CNTN4: variants seen among roughly 807,000 people sequenced by gnomAD.
The protein encoded by CNTN4 is contactin 4, also known as contactin-4.
In CNTN4, 77 loss-of-function variants were observed where a neutral mutation model predicts 122.5. The observed-to-expected ratio is 0.63, with a 90% confidence interval of 0.52 to 0.76. The LOEUF is 0.76. Among genes scored for constraint, CNTN4 ranks in the 30% least tolerant of loss-of-function variants. The pLI is 0.00. For synonymous variants in CNTN4, 512 were observed against 447.0 expected (o/e 1.15, Z -1.83); for missense variants, 1,256 against 1,259.1 (o/e 1.00, Z 0.04).
Position 3,046,878 on chromosome 3 carries a change from C to G in CNTN4, c.2811+3174C>G, listed in dbSNP as rs572165492. On this transcript the variant is annotated intron_variant, in intron 23 of 24. Coordinates refer to ENST00000418658, the MANE Select transcript of CNTN4 (RefSeq NM_175607.3). The stretch of plus-strand genomic sequence containing the variant: ...CCATCAGTGTGCTGTATTCAGGAAA[C>G]CTGTCTCACGTGCAGGGACACACAT... Among the ~76,000 whole-genome samples the G allele has an allele frequency of 1.4e-3, 193 of 139,174 alleles. 21 individuals carry two copies. Among genetic ancestry groups the G allele is most frequent in the African/African-American group, 5.0e-3 (184 of 36,490 alleles). 91.3% of individuals were successfully genotyped at this position (139,174 alleles called of 152,430 possible).
intron 12 of CNTN4, among the ~76,000 whole-genome samples, chr3:2,911,642 G>A (rs6766176): frequency 0.41 from 62,769 of 151,806 alleles, 13,311 homozygotes; most frequent in East Asian, 0.65. Flanking sequence ...TCATAAAGAC[G>A]CTCAAGGAAT....
intron 2 of CNTN4, among the ~76,000 whole-genome samples, chr3:2,165,305 A>G (rs2036148694): frequency 6.6e-6 from 1 of 151,994 alleles, no homozygotes; most frequent in South Asian, 2.1e-4. Context: ...CCTGGGTGAC[A>G]AGAGCAAGAC....
At chr3:2,952,127 A>G (rs2094752058) in intron 13 of CNTN4, among the ~76,000 whole-genome samples, 1 of 152,246 alleles carries the variant, frequency 6.6e-6, no homozygotes, top group Non-Finnish European at 1.5e-5. Context: ...AAGCAAAGGC[A>G]GAAATACTTA....
At chr3:2,882,882 A>G (rs971609156) in intron 8 of CNTN4, 8 of 401,686 alleles carry the variant, frequency 2.0e-5, no homozygotes, top group Non-Finnish European at 3.8e-5. Context: ...ACCTTAAAAC[A>G]ATACTTTTGA....
At chr3:2,324,925 T>G (rs1307667233) in intron 2 of CNTN4, among the ~76,000 whole-genome samples, 1 of 152,154 alleles carries the variant, frequency 6.6e-6, no homozygotes, top group Non-Finnish European at 1.5e-5. Flanking sequence ...GCAATTTCTT[T>G]TTGAAAATCT....
chr3:2,279,349 G>T (rs549336668), intron 2 of CNTN4, among the ~76,000 whole-genome samples: 1 of 152,202 alleles, frequency 6.6e-6, no homozygotes, highest in South Asian at 2.1e-4. Flanking sequence ...TATGCCCTGG[G>T]ATATAATGCA....
At chr3:2,468,851 G>A (rs968430642) in intron 3 of CNTN4, among the ~76,000 whole-genome samples, 2 of 152,108 alleles carry the variant, frequency 1.3e-5, no homozygotes, top group Non-Finnish European at 2.9e-5. Flanking sequence ...TGCACCATTA[G>A]GCTTCTCTTA....
At chr3:2,481,063 C>CTTTCTTTCTTTCTTTCTT (rs1575730827) in intron 3 of CNTN4, among the ~76,000 whole-genome samples, 1,156 of 38,748 alleles carry the variant, frequency 0.03, 20 homozygotes, top group African/African-American at 0.066. Flanking sequence ...CTTTCTTTCT[C>CTTTCTTTCTTTCTTTCTT]TCTTTCTCTC....
intron 4 of CNTN4, among the ~76,000 whole-genome samples, chr3:2,572,198 G>A (rs776187982): frequency 1.3e-5 from 2 of 152,124 alleles, no homozygotes; most frequent in Non-Finnish European, 2.9e-5. Flanking sequence ...ACCAGCCTGA[G>A]TAACATGGCG....
At chr3:2,951,222 G>C (rs997360143) in intron 13 of CNTN4, among the ~76,000 whole-genome samples, 3 of 152,188 alleles carry the variant, frequency 2.0e-5, no homozygotes. Flanking sequence ...ACCAGGAACT[G>C]GTTTCGTGGA....
intron 3 of CNTN4, among the ~76,000 whole-genome samples, chr3:2,556,309 T>C (rs922719216): frequency 2.6e-5 from 4 of 152,314 alleles, no homozygotes; most frequent in Admixed American, 1.3e-4. Context: ...ACAGCAGAAC[T>C]GGTCGGCATA....
At chr3:2,416,972 TG>T in intron 3 of CNTN4, among the ~76,000 whole-genome samples, 1 of 152,154 alleles carries the variant, frequency 6.6e-6, no homozygotes, top group Non-Finnish European at 1.5e-5. Context: ...CAACTTTCTA[TG>T]GTATAAGAGT....
chr3:2,591,649 C>T lies in CNTN4; in HGVS notation c.55+20091C>T, dbSNP rs1335967897. ...AAAGTGCTGGGATTACAGGCGTGAGCCACCGCGCCCGGCCGATTTGTGACT... is the reference window on the plus strand; with the variant it reads ...AAAGTGCTGGGATTACAGGCGTGAGTCACCGCGCCCGGCCGATTTGTGACT... On this transcript the variant is annotated intron_variant, in intron 4 of 24. Transcript: ENST00000418658. Among the ~76,000 whole-genome samples, 3 of 51,622 alleles carry T rather than the reference C, an allele frequency of 5.8e-5. 1 individual carries two copies. Among genetic ancestry groups the T allele is most frequent in the Non-Finnish European group, 9.9e-5 (2 of 20,222 alleles). The allele number at this position is 51,622 out of a possible 152,430, so 33.9% of individuals were successfully genotyped here.
chr3:2,635,278 A>G (rs1459501804), intron 4 of CNTN4, among the ~76,000 whole-genome samples: 7 of 152,206 alleles, frequency 4.6e-5, no homozygotes, highest in Non-Finnish European at 8.8e-5. Context: ...TAAAGTCAAA[A>G]AAGGACAGTG....
Position 2,900,681 on chromosome 3 carries a change from A to G in CNTN4, c.941-4A>G, listed in dbSNP as rs1409863910. On this transcript the variant is annotated splice_region_variant and splice_polypyrimidine_tract_variant and intron_variant, in intron 10 of 24. Coordinates refer to ENST00000418658, the MANE Select transcript of CNTN4 (RefSeq NM_175607.3). Reference sequence around the variant, plus strand: ...ACCTTTCTTTGCTTTTTGGATGCCTATAGCTCAACCTAATTGGATTCAAAA... The same window carrying G: ...ACCTTTCTTTGCTTTTTGGATGCCTGTAGCTCAACCTAATTGGATTCAAAA... 6 of 1,613,534 alleles carry G rather than the reference A, an allele frequency of 3.7e-6. No individual in the cohort carries two copies. Among genetic ancestry groups the G allele is most frequent in the Non-Finnish European group, 3.4e-6 (4 of 1,179,586 alleles).
intron 3 of CNTN4, among the ~76,000 whole-genome samples, chr3:2,373,675 A>G (rs895940117): frequency 4.6e-5 from 7 of 152,228 alleles, no homozygotes; most frequent in African/African-American, 1.4e-4. Flanking sequence ...TGGCAGAAGT[A>G]TCAATAACAT....
rs550119351 is a variant in CNTN4 at position 2,604,069 on chromosome 3, C to G, written c.55+32511C>G. ...ATCATACAGGCTCTTAACATTTCTA[C>G]TTGGAAGTGAGATGTAATTTCTGTC... On this transcript the variant is annotated intron_variant, in intron 4 of 24. Coordinates refer to ENST00000418658, the MANE Select transcript of CNTN4 (RefSeq NM_175607.3). Among the ~76,000 whole-genome samples, 13 of 152,256 alleles carry G rather than the reference C, an allele frequency of 8.5e-5. 1 individual carries two copies. In the South Asian group the frequency reaches 2.1e-3, roughly 24 times the overall value.
In CNTN4 at chr3:2,284,793, A is replaced by T. The variant is rs191925206; in HGVS notation, c.-144-54385A>T. 5.6e-3 allele frequency among the ~76,000 whole-genome samples: 846 copies of T among 151,988 alleles called. 5 individuals are homozygous for T. Among genetic ancestry groups the T allele is most frequent in the Middle Eastern group, 0.024 (7 of 294 alleles). On this transcript the variant is annotated intron_variant, in intron 2 of 24. Transcript: ENST00000418658. ...TGAGGTGAGTAGACTAAGAGTCATT[A>T]AAAAAATCTTGAGGAAGATTTTTAA...
chr3:2,236,329 A>C (rs542196291), intron 2 of CNTN4, among the ~76,000 whole-genome samples: 3 of 152,310 alleles, frequency 2.0e-5, no homozygotes, highest in East Asian at 3.9e-4. Flanking sequence ...TTACTTCCTT[A>C]TCTGTGAACT....
Sources: gnomAD v4.1 joint callset for allele counts (sites outside exome capture counted in the v4.1 genomes callset) on GRCh38, gnomAD v4.1.1 for gene constraint, MANE v1.5 for transcripts, NCBI Gene and HGNC (gene_info 2026-07-23, HGNC 2026-07-21) for gene names.